Variants in NKD1 observed in about 807,000 individuals in gnomAD.
NKD1 encodes NKD inhibitor of Wnt signaling pathway 1, also known as protein naked cuticle homolog 1.
NKD1 carries 21 observed loss-of-function variants against 56.0 expected under a neutral mutation model. The observed-to-expected ratio is 0.38, with a 90% CI of 0.27 to 0.54. NKD1 has a LOEUF of 0.54. Ranked by LOEUF, NKD1 falls within the 20% of genes least tolerant of loss-of-function variation. NKD1 has a pLI of 0.82. For missense variants in NKD1, 578 were observed against 642.7 expected (o/e 0.90, Z 1.09); for synonymous variants, 263 against 265.7 (o/e 0.99, Z 0.10).
intron 3 of NKD1, among the ~76,000 whole-genome samples, chr16:50,585,941 G>C (rs1214985301): frequency 6.6e-6 from 1 of 152,204 alleles, no homozygotes; most frequent in Non-Finnish European, 1.5e-5. Flanking sequence ...CCTGTCCACT[G>C]TTGGTGTTCC....
intron 3 of NKD1, among the ~76,000 whole-genome samples, chr16:50,601,362 T>G (rs1961591399): frequency 6.6e-6 from 1 of 151,904 alleles, no homozygotes; most frequent in African/African-American, 2.4e-5. Flanking sequence ...TAGTGGCTTC[T>G]GTGACCGTCC....
chr16:50,551,455 G>C (rs1960383081), intron 3 of NKD1, among the ~76,000 whole-genome samples: 1 of 152,246 alleles, frequency 6.6e-6, no homozygotes, highest in Admixed American at 6.5e-5. Flanking sequence ...ACATGTGTCA[G>C]GTGGTTGGAG....
rs145428466 is a variant in NKD1 at position 50,642,809 on chromosome 16, G to A, written c.*9028G>A. 1 of 152,372 alleles carries A rather than the reference G, an allele frequency of 6.6e-6. No homozygotes were observed. Among genetic ancestry groups the A allele is most frequent in the East Asian group, 1.9e-4 (1 of 5,186 alleles). 9.4% of individuals were successfully genotyped at this position (152,372 alleles called of 1,614,324 possible). Reference sequence around the variant, plus strand: ...GAGCCCCCAGTGAGACAGCTGCTGTGGCATGCTGCCTCTGCTACACACTCA... The same window carrying A: ...GAGCCCCCAGTGAGACAGCTGCTGTAGCATGCTGCCTCTGCTACACACTCA... On this transcript the variant is annotated 3_prime_UTR_variant, in exon 10 of 10. Transcript: ENST00000268459.
At chr16:50,611,214 C>A (rs147807317) in intron 4 of NKD1, among the ~76,000 whole-genome samples, 4 of 152,290 alleles carry the variant, frequency 2.6e-5, no homozygotes, top group East Asian at 1.9e-4. Flanking sequence ...CTCTCCAGGT[C>A]CCCCCTGCCT....
intron 6 of NKD1, among the ~76,000 whole-genome samples, chr16:50,628,032 G>A (rs1048591707): frequency 6.6e-6 from 1 of 152,162 alleles, no homozygotes; most frequent in East Asian, 1.9e-4. Context: ...TCCTCTGCGG[G>A]CCTCGTCGAA....
chr16:50,554,554 G>A (rs1023536881), intron 3 of NKD1, among the ~76,000 whole-genome samples: 4 of 152,138 alleles, frequency 2.6e-5, no homozygotes, highest in Non-Finnish European at 5.9e-5. Context: ...TCTGTCTGGA[G>A]TGGAAGGGTG....
In NKD1 at chr16:50,643,567, G is replaced by C. The variant is rs1348504784; in HGVS notation, c.*9786G>C. The C allele has an allele frequency of 6.6e-6, 1 of 152,224 alleles. No individual in the cohort carries two copies. The highest frequency in any genetic ancestry group is 1.5e-5 in the Non-Finnish European group (1 of 68,042). The allele number at this position is 152,224 out of a possible 1,614,324, so 9.4% of individuals were successfully genotyped here. Reference sequence around the variant, plus strand: ...TGTGGTCCCCTTCATTCATAACATTGATCATGTTTGTAACTGTAGTTGATT... The same window carrying C: ...TGTGGTCCCCTTCATTCATAACATTCATCATGTTTGTAACTGTAGTTGATT... On this transcript the variant is annotated 3_prime_UTR_variant, in exon 10 of 10. Coordinates refer to ENST00000268459, the MANE Select transcript of NKD1 (RefSeq NM_033119.5).
chr16:50,624,544 C>T (rs867589678), intron 5 of NKD1, among the ~76,000 whole-genome samples: 1 of 152,240 alleles, frequency 6.6e-6, no homozygotes, highest in Non-Finnish European at 1.5e-5. Flanking sequence ...ATTTACCCTC[C>T]ACTTCCTGTT....
chr16:50,582,991 G>A (rs1961150587), intron 3 of NKD1, among the ~76,000 whole-genome samples: 1 of 152,142 alleles, frequency 6.6e-6, no homozygotes, highest in African/African-American at 2.4e-5. Flanking sequence ...TGGCGACAGC[G>A]CGAGACTCCA....
At chr16:50,593,989 AAG>A (rs1445754563) in intron 3 of NKD1, among the ~76,000 whole-genome samples, 2 of 152,190 alleles carry the variant, frequency 1.3e-5, no homozygotes, top group South Asian at 2.1e-4. Context: ...ATGAGGGACA[AAG>A]AGCTTCCTAC....
intron 3 of NKD1, among the ~76,000 whole-genome samples, chr16:50,581,131 G>GGGCTTGC (rs1173602073): frequency 1.4e-4 from 21 of 152,214 alleles, no homozygotes; most frequent in African/African-American, 4.8e-4. Flanking sequence ...TATGGGATTG[G>GGGCTTGC]GGCTTGCGGT....
intron 5 of NKD1, among the ~76,000 whole-genome samples, chr16:50,622,976 A>G (rs1962127016): frequency 6.6e-6 from 1 of 151,854 alleles, no homozygotes; most frequent in South Asian, 2.1e-4. Flanking sequence ...GGAGGAGGGA[A>G]CAGCGGCTGT....
In NKD1 at chr16:50,623,888, G is replaced by A. The variant is rs1433315179; in HGVS notation, c.367-1597G>A. ...TGTGTAGGGGTATGTATGTAGGCAC[G>A]TGTGTCATGCCACATGAACAGTGCC... On this transcript the variant is annotated intron_variant, in intron 5 of 9. Transcript: ENST00000268459. This position sits in a 1 kb window ranked among gnomAD's most constrained non-coding sequence, Gnocchi z 4.1. Among the ~76,000 whole-genome samples, 1 of 151,978 alleles carries A rather than the reference G, an allele frequency of 6.6e-6. No individual in the cohort carries two copies. The highest frequency in any genetic ancestry group is 1.5e-5 in the Non-Finnish European group (1 of 67,976).
At position 50,648,715 on chromosome 16, in the gene NKD1, A is replaced by T. The variant is rs1447971506; in HGVS notation, c.*14934A>T. On this transcript the variant is annotated 3_prime_UTR_variant, in exon 10 of 10. Coordinates refer to ENST00000268459, the MANE Select transcript of NKD1 (RefSeq NM_033119.5). ...TCCTTCGCAAATAAATTTTGTGACT[A>T]AACTCTAGTCAACAGTAAGTGTCAT... 1 of 152,216 alleles carries T rather than the reference A, an allele frequency of 6.6e-6. No individual in the cohort carries two copies. Among genetic ancestry groups the T allele is most frequent in the Non-Finnish European group, 1.5e-5 (1 of 68,024 alleles). The allele number at this position is 152,216 out of a possible 1,614,324, so 9.4% of individuals were successfully genotyped here. A position where few individuals can be genotyped will look rare whatever the true frequency, so the allele number is the denominator to read the frequency against.
chr16:50,600,186 T>C (rs1010959842), intron 3 of NKD1, among the ~76,000 whole-genome samples: 17 of 152,176 alleles, frequency 1.1e-4, no homozygotes, highest in Admixed American at 3.3e-4. Context: ...GGGTGTCTTA[T>C]ATTTTAATGA....
intron 3 of NKD1, among the ~76,000 whole-genome samples, chr16:50,564,425 C>A (rs1358394921): frequency 2.0e-5 from 3 of 152,158 alleles, no homozygotes; most frequent in Non-Finnish European, 2.9e-5. Context: ...TTACCCAGGG[C>A]TTTATGGCTT....
At chr16:50,560,791 A>G (rs1481581788) in intron 3 of NKD1, among the ~76,000 whole-genome samples, 7 of 151,350 alleles carry the variant, frequency 4.6e-5, no homozygotes, top group East Asian at 3.9e-4. Context: ...AAAAATGTAT[A>G]CACACACTTT....
intron 3 of NKD1, among the ~76,000 whole-genome samples, chr16:50,565,078 A>G (rs1335997721): frequency 6.6e-6 from 1 of 152,186 alleles, no homozygotes; most frequent in Non-Finnish European, 1.5e-5. Flanking sequence ...GGAGAACCAT[A>G]AAAAAGTGAT....
In NKD1 at chr16:50,644,770, G is replaced by A. The variant is rs1484363399; in HGVS notation, c.*10989G>A. 1 of 152,326 alleles carries A rather than the reference G, an allele frequency of 6.6e-6. No individual in the cohort carries two copies. The highest frequency in any genetic ancestry group is 1.5e-5 in the Non-Finnish European group (1 of 68,038). The allele number at this position is 152,326 out of a possible 1,614,324, so 9.4% of individuals were successfully genotyped here. On this transcript the variant is annotated 3_prime_UTR_variant, in exon 10 of 10. Transcript: ENST00000268459. ...AAAAGGCAGCATCTGATTGTGATTTGGTCCAGAAATTCCTGGCCAGAATAT... is the reference window on the plus strand; with the variant it reads ...AAAAGGCAGCATCTGATTGTGATTTAGTCCAGAAATTCCTGGCCAGAATAT...
Sources: allele counts gnomAD v4.1 joint callset (sites outside exome capture counted in the v4.1 genomes callset), GRCh38; gene constraint gnomAD v4.1.1; non-coding constraint Gnocchi (gnomAD v3.1); transcripts MANE v1.5; gene names NCBI Gene and HGNC (gene_info 2026-07-23, HGNC 2026-07-21).